Variants in PTPRD observed in about 807,000 individuals in gnomAD.
PTPRD encodes the protein receptor-type tyrosine-protein phosphatase delta.
Under a neutral mutation model 214.5 loss-of-function variants are expected in PTPRD, and 34 were observed. That is an observed-to-expected ratio of 0.16 (90% CI 0.12 to 0.21). PTPRD has a LOEUF of 0.21. Among genes scored for constraint, PTPRD ranks in the 10% least tolerant of loss-of-function variants. The pLI, the probability that PTPRD is intolerant of heterozygous loss-of-function variation, is 1.00. For missense variants in PTPRD, 2,545 were observed against 2,398.7 expected (o/e 1.06, Z -1.27); for synonymous variants, 1,128 against 845.7 (o/e 1.33, Z -5.79).
chr9:9,265,816 A>G (rs1258962173), intron 9 of PTPRD, among the ~76,000 whole-genome samples: 1 of 151,534 alleles, frequency 6.6e-6, no homozygotes, highest in Admixed American at 6.6e-5. Context: ...GAAAGGAACA[A>G]AGAAATAAAG....
chr9:8,428,491 C>T (rs748804709), intron 35 of PTPRD, among the ~76,000 whole-genome samples: 18 of 152,084 alleles, frequency 1.2e-4, no homozygotes, highest in Admixed American at 3.3e-4. Context: ...TCTTGTGACT[C>T]ATATGTCAAA....
intron 21 of PTPRD, among the ~76,000 whole-genome samples, chr9:8,517,447 GT>G (rs2097800647): frequency 6.6e-6 from 1 of 152,166 alleles, no homozygotes; most frequent in East Asian, 1.9e-4. Flanking sequence ...CCCTGTAACA[GT>G]TTTATTTTTT....
chr9:10,588,427 T>TACACAC (rs3076471), intron 2 of PTPRD, among the ~76,000 whole-genome samples: 20,543 of 146,576 alleles, frequency 0.14, 2,014 homozygotes, highest in East Asian at 0.53. Context: ...TGGCTTATTG[T>TACACAC]ACACACACAC....
intron 4 of PTPRD, among the ~76,000 whole-genome samples, chr9:10,031,583 G>A (rs1396952801): frequency 6.8e-6 from 1 of 146,132 alleles, no homozygotes; most frequent in Non-Finnish European, 1.5e-5. Context: ...AGCATATTGT[G>A]GGACCTTGTG....
chr9:10,466,783 A>G (rs2098997586), intron 2 of PTPRD, among the ~76,000 whole-genome samples: 2 of 152,150 alleles, frequency 1.3e-5, no homozygotes, highest in Admixed American at 1.3e-4. Flanking sequence ...CTCAAATACA[A>G]AGGGGGAATT....
chr9:9,759,993 T>C (rs1225385962), intron 6 of PTPRD, among the ~76,000 whole-genome samples: 1 of 152,230 alleles, frequency 6.6e-6, no homozygotes, highest in Non-Finnish European at 1.5e-5. Context: ...ATTTTGCTCA[T>C]GTTAAACTTC....
At chr9:9,071,879 G>C (rs1454955784) in intron 10 of PTPRD, among the ~76,000 whole-genome samples, 2 of 152,144 alleles carry the variant, frequency 1.3e-5, no homozygotes, top group African/African-American at 4.8e-5. Flanking sequence ...TGTAAGTGGA[G>C]TATTTCCCCG....
intron 10 of PTPRD, among the ~76,000 whole-genome samples, chr9:9,128,845 T>C (rs2099838176): frequency 6.6e-6 from 1 of 152,298 alleles, no homozygotes; most frequent in South Asian, 2.1e-4. Context: ...ATAGCAGTAT[T>C]TTTCACTGTG....
At chr9:9,537,145 G>A (rs2154269004) in intron 8 of PTPRD, among the ~76,000 whole-genome samples, 1 of 152,018 alleles carries the variant, frequency 6.6e-6, no homozygotes, top group Non-Finnish European at 1.5e-5. Flanking sequence ...CCTGCTATGT[G>A]CCAGCTACTA....
chr9:9,660,148 C>T (rs2096594713), intron 7 of PTPRD, among the ~76,000 whole-genome samples: 1 of 151,874 alleles, frequency 6.6e-6, no homozygotes, highest in South Asian at 2.1e-4. Flanking sequence ...TCAAAAATTT[C>T]ATGTAATTCC....
At chr9:9,848,249 G>T (rs923841181) in intron 5 of PTPRD, among the ~76,000 whole-genome samples, 1 of 152,012 alleles carries the variant, frequency 6.6e-6, no homozygotes, top group Non-Finnish European at 1.5e-5. Flanking sequence ...CCCCAGTACT[G>T]CTTCTGTTAT....
chr9:9,221,651 A>G (rs2099956117), intron 9 of PTPRD, among the ~76,000 whole-genome samples: 1 of 151,956 alleles, frequency 6.6e-6, no homozygotes, highest in Non-Finnish European at 1.5e-5. Flanking sequence ...CTATACTCTT[A>G]TGACCTTATT....
chr9:9,915,349 CA>C (rs201835984), intron 5 of PTPRD, among the ~76,000 whole-genome samples: 2 of 149,946 alleles, frequency 1.3e-5, no homozygotes, highest in African/African-American at 2.5e-5. Context: ...ATGACATCTC[CA>C]AAAAAAACTG....
At chr9:9,006,045 T>C (rs2099463638) in intron 11 of PTPRD, among the ~76,000 whole-genome samples, 1 of 152,158 alleles carries the variant, frequency 6.6e-6, no homozygotes, top group Admixed American at 6.6e-5. Flanking sequence ...AATTTTGATA[T>C]TCATAGAACA....
intron 4 of PTPRD, among the ~76,000 whole-genome samples, chr9:10,013,450 A>G (rs925919293): frequency 1.3e-5 from 2 of 151,632 alleles, no homozygotes; most frequent in Admixed American, 1.3e-4. Flanking sequence ...GGTACTCCTT[A>G]TTTCCTCTTA....
intron 2 of PTPRD, among the ~76,000 whole-genome samples, chr9:10,448,848 G>C (rs1190258211): frequency 6.6e-6 from 1 of 151,722 alleles, no homozygotes; most frequent in African/African-American, 2.4e-5. Flanking sequence ...AATAGAGAAG[G>C]GATCCACTTA....
intron 3 of PTPRD, among the ~76,000 whole-genome samples, chr9:10,095,119 T>G (rs2098470347): frequency 6.6e-6 from 1 of 151,396 alleles, no homozygotes; most frequent in Admixed American, 6.6e-5. Flanking sequence ...TTTTGTCATT[T>G]TGCTGTTCAA....
Position 8,527,501 on chromosome 9 carries a change from A to G in PTPRD, c.542-148T>C, listed in dbSNP as rs555676467. On this transcript the variant is annotated intron_variant, in intron 15 of 45. Coordinates refer to ENST00000381196, the MANE Select transcript of PTPRD (RefSeq NM_002839.4). ...TAATTAATTCTTCATTTACAATAAC[A>G]GAATGCTAATCTACACAATTCTGCT... 8.1e-5 allele frequency: 61 copies of G among 750,920 alleles called. No individual in the cohort carries two copies. In the South Asian group the frequency reaches 1.2e-3, roughly 15 times the overall value. The allele number at this position is 750,920 out of a possible 1,614,324, so 46.5% of individuals were successfully genotyped here.
chr9:8,531,413 A>G (rs1009013732), intron 14 of PTPRD, among the ~76,000 whole-genome samples: 1 of 152,074 alleles, frequency 6.6e-6, no homozygotes, highest in Non-Finnish European at 1.5e-5. Context: ...TAGCTGCTAT[A>G]CCACACACGT....
Sources: gnomAD v4.1 joint callset for allele counts (sites outside exome capture counted in the v4.1 genomes callset) on GRCh38, gnomAD v4.1.1 for gene constraint, MANE v1.5 for transcripts, NCBI Gene and HGNC (gene_info 2026-07-23, HGNC 2026-07-21) for gene names.